The following DNAJC6 variants were observed in gnomAD, a reference collection of about 807,000 sequenced individuals.
DNAJC6 encodes the protein auxilin.
Under a neutral mutation model 110.0 loss-of-function variants are expected in DNAJC6, and 34 were observed. The observed-to-expected ratio is 0.31, with a 90% CI of 0.24 to 0.41. The LOEUF (loss-of-function observed/expected upper bound fraction) is 0.41. DNAJC6 is among the 10% of genes least tolerant of loss of function. The probability of loss-of-function intolerance (pLI) is 1.00; values close to 1 mark genes in which losing one functional copy is unlikely to be tolerated. For missense variants in DNAJC6, 1,031 were observed against 1,207.8 expected (o/e 0.85, Z 2.17); for synonymous variants, 406 against 437.2 (o/e 0.93, Z 0.89).
At chr1:65,382,951 A>G (rs539385854) in intron 5 of DNAJC6, among the ~76,000 whole-genome samples, 3 of 152,334 alleles carry the variant, frequency 2.0e-5, no homozygotes, top group Admixed American at 1.3e-4. Flanking sequence ...AGAAGCATTG[A>G]TAGAAAGGGA....
At chr1:65,380,147 ACT>A (rs1301364235) in intron 5 of DNAJC6, among the ~76,000 whole-genome samples, 1 of 152,036 alleles carries the variant, frequency 6.6e-6, no homozygotes, top group Admixed American at 6.6e-5. Context: ...GGCTTTTAAT[ACT>A]CTGTGTCATA....
chr1:65,339,318 C>A (rs547307021), intron 1 of DNAJC6, among the ~76,000 whole-genome samples: 32 of 152,266 alleles, frequency 2.1e-4, no homozygotes, highest in Non-Finnish European at 4.3e-4. Context: ...TTGTCTGATG[C>A]CAAGGCCACA....
At chr1:65,277,341 C>T (rs1653704775) in intron 1 of DNAJC6, among the ~76,000 whole-genome samples, 1 of 152,028 alleles carries the variant, frequency 6.6e-6, no homozygotes, top group Non-Finnish European at 1.5e-5. Context: ...TTGCTTTGTT[C>T]CAGAGAATAT....
rs568975293 is a variant in DNAJC6 at position 65,345,343 on chromosome 1, A to G, written c.194-19292A>G. Among the ~76,000 whole-genome samples the G allele has an allele frequency of 2.6e-4, 40 of 151,944 alleles. No homozygotes were observed. In the Middle Eastern group the frequency reaches 0.017, roughly 65 times the overall value. ...AGGCATGCATAGGCAAATATTGTTTATGATTGCCTTCTAGGTGACAAATAC... is the reference window on the plus strand; with the variant it reads ...AGGCATGCATAGGCAAATATTGTTTGTGATTGCCTTCTAGGTGACAAATAC... On this transcript the variant is annotated intron_variant, in intron 1 of 18. Transcript: ENST00000371069.
At chr1:65,308,601 C>T (rs1037692615), upstream of DNAJC6, among the ~76,000 whole-genome samples, 1 of 152,174 alleles carries the variant, frequency 6.6e-6, no homozygotes, top group African/African-American at 2.4e-5. Context: ...GCTTAATTAA[C>T]TTCATGATAA....
At chr1:65,347,486 G>A (rs1386078083) in intron 1 of DNAJC6, among the ~76,000 whole-genome samples, 1 of 150,796 alleles carries the variant, frequency 6.6e-6, no homozygotes, top group African/African-American at 2.4e-5. Flanking sequence ...CTTTATGTAT[G>A]TCCTTAAGTG....
chr1:65,390,176 C>T (rs909480172), intron 11 of DNAJC6, among the ~76,000 whole-genome samples: 2 of 152,168 alleles, frequency 1.3e-5, no homozygotes, highest in Admixed American at 6.5e-5. Flanking sequence ...TTTTTGGTCA[C>T]GTCATTCCTG....
upstream of DNAJC6, among the ~76,000 whole-genome samples, chr1:65,308,568 A>G (rs771761746): frequency 2.0e-5 from 3 of 152,226 alleles, no homozygotes; most frequent in Non-Finnish European, 4.4e-5. Flanking sequence ...ATACACGATG[A>G]CAGATACAAA....
Position 65,389,455 on chromosome 1 carries a change from A to G in DNAJC6, c.1387+6A>G. On this transcript the variant is annotated splice_donor_region_variant and intron_variant, in intron 10 of 18. Transcript: ENST00000371069. ...AGATACGCTGGCCTTAGGAGGTATGAGTCACCTGATGGTTTTGTTTTTCAG... is the reference window on the plus strand; with the variant it reads ...AGATACGCTGGCCTTAGGAGGTATGGGTCACCTGATGGTTTTGTTTTTCAG... 6.2e-7 allele frequency: 1 copy of G among 1,613,864 alleles called. No homozygotes were observed. Among genetic ancestry groups the G allele is most frequent in the Non-Finnish European group, 8.5e-7 (1 of 1,179,864 alleles).
At chr1:65,363,493 C>T (rs967869499) in intron 1 of DNAJC6, among the ~76,000 whole-genome samples, 1 of 152,138 alleles carries the variant, frequency 6.6e-6, no homozygotes. Context: ...TAAATGTACC[C>T]TGGAAGTGAT....
Position 65,415,032 on chromosome 1 carries a change from C to T in DNAJC6, c.*2007C>T, listed in dbSNP as rs1256428001. The T allele has an allele frequency of 6.6e-6, 1 of 152,244 alleles. No individual in the cohort carries two copies. Among genetic ancestry groups the T allele is most frequent in the East Asian group, 1.9e-4 (1 of 5,188 alleles). 9.4% of individuals were successfully genotyped at this position (152,244 alleles called of 1,614,324 possible). On this transcript the variant is annotated 3_prime_UTR_variant, in exon 19 of 19. Transcript: ENST00000371069. ...AATCTTACTTAAATTTGGAGATTTTCCCCCACATCTCTTTTCCGGATACAT... is the reference window on the plus strand; with the variant it reads ...AATCTTACTTAAATTTGGAGATTTTTCCCCACATCTCTTTTCCGGATACAT...
chr1:65,346,385 C>T (rs1237441644), intron 1 of DNAJC6, among the ~76,000 whole-genome samples: 2 of 66,528 alleles, frequency 3.0e-5, no homozygotes, highest in Admixed American at 3.2e-4. Flanking sequence ...TGCTGATAAT[C>T]CATTTTTTTT....
At chr1:65,404,273 A>G (rs541547440) in intron 15 of DNAJC6, among the ~76,000 whole-genome samples, 1 of 152,352 alleles carries the variant, frequency 6.6e-6, no homozygotes, top group South Asian at 2.1e-4. Flanking sequence ...TTATTAGCAT[A>G]TGAGCTTACA....
At chr1:65,302,523 C>CTTTTTTTTTTT (rs1169755787) in intron 1 of DNAJC6, among the ~76,000 whole-genome samples, 2 of 85,336 alleles carry the variant, frequency 2.3e-5, no homozygotes, top group Non-Finnish European at 2.1e-5. Context: ...CTCTTCCTTT[C>CTTTTTTTTTTT]TTTTTTTTTT....
At chr1:65,320,126 G>A (rs185202218) in intron 1 of DNAJC6, among the ~76,000 whole-genome samples, 2 of 152,316 alleles carry the variant, frequency 1.3e-5, no homozygotes, top group East Asian at 3.9e-4. Context: ...AATTTCACTT[G>A]CTGCTTCAAT....
intron 1 of DNAJC6, among the ~76,000 whole-genome samples, chr1:65,265,237 A>G (rs968265930): frequency 6.6e-5 from 10 of 152,144 alleles, no homozygotes; most frequent in African/African-American, 2.4e-4. Context: ...TAGCTCCCAG[A>G]TTTTTGATAA....
At chr1:65,360,567 T>C (rs1645587646) in intron 1 of DNAJC6, among the ~76,000 whole-genome samples, 1 of 152,080 alleles carries the variant, frequency 6.6e-6, no homozygotes. Flanking sequence ...GGGATGGAAA[T>C]GGGAGAATTA....
At chr1:65,287,073 T>C (rs992325150) in intron 1 of DNAJC6, among the ~76,000 whole-genome samples, 1 of 152,226 alleles carries the variant, frequency 6.6e-6, no homozygotes, top group African/African-American at 2.4e-5. Flanking sequence ...CTGACCCATA[T>C]GAAAATGCCT....
At chr1:65,349,751 T>G (rs1315758488) in intron 1 of DNAJC6, among the ~76,000 whole-genome samples, 9 of 152,198 alleles carry the variant, frequency 5.9e-5, no homozygotes. Flanking sequence ...CTTTTTCTCA[T>G]TGGCAGTCTT....
Sources: allele counts gnomAD v4.1 joint callset (sites outside exome capture counted in the v4.1 genomes callset), GRCh38; gene constraint gnomAD v4.1.1; transcripts MANE v1.5; gene names NCBI Gene and HGNC (gene_info 2026-07-23, HGNC 2026-07-21).